TJP2: variants seen among roughly 807,000 people sequenced by gnomAD.
TJP2 encodes tight junction protein 2, also known as Friedreich ataxia region gene X104 (tight junction protein ZO-2).
Under a neutral mutation model 133.1 loss-of-function variants are expected in TJP2, and 91 were observed. The observed-to-expected ratio is 0.68, with a 90% CI of 0.58 to 0.81. The LOEUF (loss-of-function observed/expected upper bound fraction) is 0.81, where lower values mean the gene tolerates loss of function less well. TJP2 is among the 40% of genes least tolerant of loss of function. The pLI, the probability that TJP2 is intolerant of heterozygous loss-of-function variation, is 0.00. For missense variants in TJP2, 1,541 were observed against 1,565.6 expected, an observed-to-expected ratio of 0.98 and a Z score of 0.26; for synonymous variants, 592 against 583.4, an observed-to-expected ratio of 1.01 and a Z score of -0.21.
chr9:69,140,719 G>A (rs1163907981), intron 1 of TJP2, among the ~76,000 whole-genome samples: 1 of 152,202 alleles, frequency 6.6e-6, no homozygotes, highest in Non-Finnish European at 1.5e-5. Context: ...CATCGCTCAT[G>A]TGCTCCCAGG....
chr9:69,233,222 T>C (rs1282898994), intron 11 of TJP2, among the ~76,000 whole-genome samples: 7 of 152,226 alleles, frequency 4.6e-5, no homozygotes, highest in Non-Finnish European at 8.8e-5. Context: ...CCAAATTAGT[T>C]TTAGTCTAAT....
At chr9:69,176,445 T>A (rs781372234) in intron 1 of TJP2, among the ~76,000 whole-genome samples, 4 of 152,178 alleles carry the variant, frequency 2.6e-5, no homozygotes, top group Non-Finnish European at 5.9e-5. Context: ...AGGAAAAAAC[T>A]GAAAGAGTTG....
intron 11 of TJP2, among the ~76,000 whole-genome samples, chr9:69,231,010 G>A (rs1029538193): frequency 6.6e-6 from 1 of 151,032 alleles, no homozygotes; most frequent in African/African-American, 2.4e-5. Context: ...ATTTGTGTAT[G>A]TGTGTGTGTG....
intron 11 of TJP2, 67 bp from the exon 12 acceptor site, chr9:69,234,372 T>TTCTC (rs1472320450): frequency 8.5e-7 from 1 of 1,171,310 alleles, no homozygotes; most frequent in Non-Finnish European, 1.2e-6. Context: ...TCTCTGTTTT[T>TTCTC]TCTTTCTTTC....
intron 1 of TJP2, among the ~76,000 whole-genome samples, chr9:69,182,729 A>G (rs566560428): frequency 2.6e-5 from 4 of 151,324 alleles, no homozygotes; most frequent in Admixed American, 1.3e-4. Flanking sequence ...CGTTGAATTT[A>G]TATGTATGTA....
chr9:69,210,424 C>A (rs1294452549), intron 1 of TJP2, among the ~76,000 whole-genome samples: 5 of 151,972 alleles, frequency 3.3e-5, no homozygotes, highest in Non-Finnish European at 5.9e-5. Flanking sequence ...GTGTGCCAGA[C>A]ACTGTTGTAG....
At chr9:69,247,553 G>C (rs1232396374) in intron 18 of TJP2, among the ~76,000 whole-genome samples, 1 of 152,188 alleles carries the variant, frequency 6.6e-6, no homozygotes, top group Non-Finnish European at 1.5e-5. Flanking sequence ...TTGGAAGGGG[G>C]ATGCAAGCTT....
At chr9:69,205,876 T>G (rs1191413773) in intron 1 of TJP2, among the ~76,000 whole-genome samples, 2 of 152,212 alleles carry the variant, frequency 1.3e-5, no homozygotes, top group African/African-American at 2.4e-5. Context: ...AACACTTCGG[T>G]ATCTGTTTTG....
chr9:69,174,093 G>C, upstream of TJP2: 1 of 1,143,068 alleles, frequency 8.7e-7, no homozygotes, highest in Non-Finnish European at 1.1e-6. Context: ...GCGCGGCGCC[G>C]GCGAGCCCTT....
chr9:69,207,638 G>A (rs1237109589), intron 1 of TJP2, among the ~76,000 whole-genome samples: 1 of 152,176 alleles, frequency 6.6e-6, no homozygotes, highest in East Asian at 1.9e-4. Context: ...CTCTTTCTAT[G>A]GGCCTGCCTG....
chr9:69,239,745 C>A (rs935917803), intron 16 of TJP2, among the ~76,000 whole-genome samples, 192 bp from the exon 17 acceptor site: 1 of 152,144 alleles, frequency 6.6e-6, no homozygotes, highest in Non-Finnish European at 1.5e-5. Flanking sequence ...ACCCGGGAGG[C>A]GGAGGTCGCA....
intron 2 of TJP2, among the ~76,000 whole-genome samples, chr9:69,152,759 C>T (rs1014339717): frequency 1.4e-5 from 2 of 147,874 alleles, no homozygotes; most frequent in African/African-American, 4.9e-5. Flanking sequence ...CCTCATTTTC[C>T]ACTGAATTAA....
chr9:69,235,877 T>C, intron 12 of TJP2, 151 bp from the exon 13 acceptor site: 1 of 713,772 alleles, frequency 1.4e-6, no homozygotes, highest in Non-Finnish European at 2.5e-6. Flanking sequence ...TATTTGTCCT[T>C]GTTCCTGTTG....
chr9:69,237,413 C>T (rs1213305410), intron 14 of TJP2, among the ~76,000 whole-genome samples: 1 of 152,148 alleles, frequency 6.6e-6, no homozygotes. Flanking sequence ...TGCCTATAAT[C>T]GTAGCACTTT....
chr9:69,200,695 C>G (rs574724147), intron 1 of TJP2, among the ~76,000 whole-genome samples: 2 of 152,296 alleles, frequency 1.3e-5, no homozygotes, highest in Non-Finnish European at 2.9e-5. Context: ...TGGGGGCTGG[C>G]CTCGCTTCAC....
At chr9:69,251,774 G>A (rs931230998) in intron 21 of TJP2, among the ~76,000 whole-genome samples, 9 of 152,042 alleles carry the variant, frequency 5.9e-5, no homozygotes, top group Non-Finnish European at 2.9e-5. Context: ...TGTACTTTTT[G>A]AGCTGTTTGA....
At chr9:69,209,334 A>G (rs1827680892) in intron 1 of TJP2, among the ~76,000 whole-genome samples, 1 of 151,994 alleles carries the variant, frequency 6.6e-6, no homozygotes, top group Non-Finnish European at 1.5e-5. Context: ...GGGTTTCACC[A>G]TGTTGGCCAG....
In TJP2 at chr9:69,216,464, G is replaced by C. The variant is rs749237210; in HGVS notation, c.239+1G>C. 1.9e-6 allele frequency: 3 copies of C among 1,614,098 alleles called. No homozygotes were observed. Among genetic ancestry groups the C allele is most frequent in the Non-Finnish European group, 2.5e-6 (3 of 1,180,014 alleles). On this transcript the variant is annotated splice_donor_variant, in intron 3 of 22. Coordinates refer to ENST00000377245, the MANE Select transcript of TJP2 (RefSeq NM_004817.4). LOFTEE classifies it high-confidence loss of function. ...GTGGGCCTGCTGATGGGCTGCTCCA[G>C]TGAGTGTCCTCCCTCGCTCCGCAGC...
At chr9:69,174,214 C>T (rs1462254641), upstream of TJP2, 1 of 1,409,404 alleles carries the variant, frequency 7.1e-7, no homozygotes, top group African/African-American at 1.5e-5. Context: ...GCCGCCGCCG[C>T]GGGAGGAGGG....
Sources: allele counts gnomAD v4.1 joint callset (sites outside exome capture counted in the v4.1 genomes callset), GRCh38; gene constraint gnomAD v4.1.1; transcripts MANE v1.5; gene names NCBI Gene and HGNC (gene_info 2026-07-23, HGNC 2026-07-21).